Variants in EXOC4 observed in about 807,000 individuals in gnomAD.
EXOC4 encodes exocyst complex component 4.
In EXOC4, 71 loss-of-function variants were observed where a neutral mutation model predicts 107.2. That is an observed-to-expected ratio of 0.66 (90% CI 0.55 to 0.81). The LOEUF (loss-of-function observed/expected upper bound fraction) is 0.81, where lower values mean the gene tolerates loss of function less well. Ranked by LOEUF, EXOC4 falls within the 30% of genes least tolerant of loss-of-function variation. The pLI, the probability that EXOC4 is intolerant of heterozygous loss-of-function variation, is 0.00. For synonymous variants in EXOC4, 456 were observed against 441.2 expected (o/e 1.03, Z -0.42); for missense variants, 1,108 against 1,189.6 (o/e 0.93, Z 1.01).
At chr7:133,953,275 G>T (rs933055301) in intron 14 of EXOC4, among the ~76,000 whole-genome samples, 9 of 151,970 alleles carry the variant, frequency 5.9e-5, no homozygotes, top group Non-Finnish European at 1.3e-4. Flanking sequence ...TTACTTCTTA[G>T]CACCTCTTGA....
At chr7:133,356,698 A>T (rs1318035298) in intron 6 of EXOC4, 125 bp downstream of exon 6, 7 of 1,153,672 alleles carry the variant, frequency 6.1e-6, no homozygotes, top group Non-Finnish European at 7.3e-6. Flanking sequence ...TAGCCCATAC[A>T]GGCCAGGCGC....
intron 10 of EXOC4, 117 bp downstream of exon 10, chr7:133,630,258 C>A (rs865810817): frequency 2.8e-6 from 2 of 715,918 alleles, no homozygotes; most frequent in Middle Eastern, 6.0e-4. Context: ...AAATTTATTC[C>A]ATTTTTAGGG....
chr7:134,070,911 A>C (rs1374741276), downstream of EXOC4, among the ~76,000 whole-genome samples: 1 of 152,214 alleles, frequency 6.6e-6, no homozygotes, highest in Non-Finnish European at 1.5e-5. Flanking sequence ...CCTGATTCCA[A>C]ACAGAAAACC....
intron 9 of EXOC4, among the ~76,000 whole-genome samples, chr7:133,487,918 A>G (rs1395675661): frequency 6.6e-6 from 1 of 152,184 alleles, no homozygotes; most frequent in Non-Finnish European, 1.5e-5. Context: ...ACAAGAAAGT[A>G]TATTTTTGGC....
At chr7:133,824,014 C>G (rs747206515) in intron 11 of EXOC4, among the ~76,000 whole-genome samples, 42 of 144,334 alleles carry the variant, frequency 2.9e-4, no homozygotes, top group Non-Finnish European at 5.1e-4. Context: ...TGAACCAAGC[C>G]TTGTACATAA....
chr7:133,879,280 A>C (rs915513548), intron 11 of EXOC4, among the ~76,000 whole-genome samples: 1 of 151,872 alleles, frequency 6.6e-6, no homozygotes, highest in African/African-American at 2.4e-5. Context: ...TTTTTTGTAG[A>C]GACAGGGTCT....
At chr7:133,402,352 C>T (rs944804017) in intron 7 of EXOC4, among the ~76,000 whole-genome samples, 3 of 152,150 alleles carry the variant, frequency 2.0e-5, no homozygotes, top group Non-Finnish European at 4.4e-5. Context: ...TTTTATCTAT[C>T]GGGAATAAGT....
the EXOC4 span, among the ~76,000 whole-genome samples, chr7:134,087,175 G>A: frequency 6.6e-5 from 10 of 152,120 alleles, no homozygotes; most frequent in Admixed American, 6.5e-4. Flanking sequence ...GATTTGCTCT[G>A]GTTCAAATGC....
At chr7:134,052,123 A>G (rs959790630) in intron 17 of EXOC4, among the ~76,000 whole-genome samples, 3 of 152,348 alleles carry the variant, frequency 2.0e-5, no homozygotes, top group Non-Finnish European at 2.9e-5. Context: ...TCATAGACAC[A>G]TTGGAGGCTT....
intron 12 of EXOC4, among the ~76,000 whole-genome samples, chr7:133,899,514 C>T (rs1363643583): frequency 3.3e-5 from 5 of 152,182 alleles, no homozygotes; most frequent in African/African-American, 1.2e-4. Context: ...GTTCTTTTCT[C>T]TGAATGATAA....
chr7:133,933,953 T>C (rs184347416), intron 13 of EXOC4, among the ~76,000 whole-genome samples: 4 of 134,254 alleles, frequency 3.0e-5, no homozygotes, highest in African/African-American at 1.2e-4. Flanking sequence ...TTTCTGCAGT[T>C]GACATTTTGG....
chr7:133,658,116 G>C (rs1803344505), intron 10 of EXOC4, among the ~76,000 whole-genome samples: 1 of 152,168 alleles, frequency 6.6e-6, no homozygotes, highest in Non-Finnish European at 1.5e-5. Context: ...CTAATATTCA[G>C]TTAGGGATAT....
intron 11 of EXOC4, among the ~76,000 whole-genome samples, chr7:133,882,462 T>C (rs1396883756): frequency 6.6e-6 from 1 of 152,240 alleles, no homozygotes; most frequent in African/African-American, 2.4e-5. Flanking sequence ...TTCCAGGTCC[T>C]GAGTAATTGT....
At chr7:133,491,820 G>A (rs1584956319) in intron 9 of EXOC4, among the ~76,000 whole-genome samples, 1 of 152,292 alleles carries the variant, frequency 6.6e-6, no homozygotes, top group East Asian at 1.9e-4. Flanking sequence ...TTCTTACGCC[G>A]AACTGGTAAG....
At chr7:133,718,513 C>T (rs1276086040) in intron 10 of EXOC4, among the ~76,000 whole-genome samples, 2 of 152,148 alleles carry the variant, frequency 1.3e-5, no homozygotes, top group African/African-American at 4.8e-5. Flanking sequence ...GTCCAGGCAA[C>T]ACTGGGTCAG....
intron 5 of EXOC4, among the ~76,000 whole-genome samples, chr7:133,325,758 T>C (rs1161477919): frequency 6.6e-6 from 1 of 152,206 alleles, no homozygotes; most frequent in Non-Finnish European, 1.5e-5. Context: ...AATGTGGGCC[T>C]GCCTTGCTAG....
rs1315196306 is a variant in EXOC4, at chr7:133,338,518, G to A, written c.764-17812G>A. The stretch of plus-strand genomic sequence containing the variant: ...TGAGGCAGGAGAATGGCGTGAACCC[G>A]GGAAGCGGAGCTTGCAGTGAGCCGA... On this transcript the variant is annotated intron_variant, in intron 5 of 17. Coordinates refer to ENST00000253861, the MANE Select transcript of EXOC4 (RefSeq NM_021807.4). Among the ~76,000 whole-genome samples the A allele has an allele frequency of 1.7e-4, 25 of 145,062 alleles. No homozygotes were observed. The East Asian group carries it at 2.3e-3, about 13-fold the overall frequency.
intron 16 of EXOC4, 35 bp downstream of exon 16, chr7:134,005,125 G>A: frequency 6.3e-7 from 1 of 1,576,308 alleles, no homozygotes; most frequent in South Asian, 1.1e-5. Flanking sequence ...GAGTTTGGGA[G>A]GAAGAAAGGA....
intron 9 of EXOC4, among the ~76,000 whole-genome samples, chr7:133,622,068 G>C (rs111489301): frequency 1.3e-5 from 2 of 152,116 alleles, no homozygotes; most frequent in African/African-American, 4.8e-5. Flanking sequence ...TTGCACTCCT[G>C]GACTCAAGCT....
Sources: allele counts gnomAD v4.1 joint callset (sites outside exome capture counted in the v4.1 genomes callset), GRCh38; gene constraint gnomAD v4.1.1; transcripts MANE v1.5; gene names NCBI Gene and HGNC (gene_info 2026-07-23, HGNC 2026-07-21).